Variants in AP1B1 observed in about 807,000 individuals in gnomAD.
AP1B1 encodes the protein AP-1 complex subunit beta-1.
AP1B1 carries 36 observed loss-of-function variants against 104.3 expected under a neutral mutation model. The ratio of observed to expected loss-of-function variants is 0.35; its 90% confidence interval spans 0.26 to 0.46. The LOEUF is 0.46. AP1B1 is among the 20% of genes least tolerant of loss of function. The pLI, the probability that AP1B1 is intolerant of heterozygous loss-of-function variation, is 1.00. For synonymous variants in AP1B1, 504 were observed against 517.5 expected (o/e 0.97, Z 0.35); for missense variants, 901 against 1,247.9 (o/e 0.72, Z 4.19).
At chr22:29,337,739 C>A (rs905094099) in intron 16 of AP1B1, among the ~76,000 whole-genome samples, 6 of 152,216 alleles carry the variant, frequency 3.9e-5, no homozygotes, top group African/African-American at 1.4e-4. Context: ...AACTCTCCTT[C>A]CCTCAGCCCC....
At chr22:29,340,515 C>T (rs979059001) in intron 14 of AP1B1, 141 bp downstream of exon 14, 2 of 932,432 alleles carry the variant, frequency 2.1e-6, no homozygotes, top group Non-Finnish European at 3.1e-6. Context: ...GGGAGCTACA[C>T]AATCACCTCC....
chr22:29,370,991 T>C (rs1371375365), intron 1 of AP1B1, among the ~76,000 whole-genome samples: 1 of 152,178 alleles, frequency 6.6e-6, no homozygotes, highest in Non-Finnish European at 1.5e-5. Context: ...TTGTTTCATA[T>C]GCAGGAAATT....
intron 11 of AP1B1, 46 bp from the exon 12 acceptor site, chr22:29,342,429 G>A: frequency 6.7e-7 from 1 of 1,491,948 alleles, no homozygotes; most frequent in Non-Finnish European, 9.3e-7. Context: ...GCCTCACATG[G>A]GGATAGAGGG....
rs748761341 is a variant in AP1B1 at position 29,334,339 on chromosome 22, G to T, written c.2235C>A (p.Ile745=). The T allele has an allele frequency of 6.2e-7, 1 of 1,611,666 alleles. No individual in the cohort carries two copies. The highest frequency in any genetic ancestry group is 1.1e-5 in the South Asian group (1 of 90,780). ...TGTTGGTCAGCTGCAGGTCCATGGA[G>T]ATGGAGCCCACCTGGCGGGTGAAGG... The part of the protein sequence containing the change: ...SGTFTRQVGS[I]SMDLQLTNKA... The change falls in exon 17 of 23, where the codon ATC becomes ATA. Residue 745 remains isoleucine (I), a synonymous_variant. Coordinates refer to ENST00000357586, the MANE Select transcript of AP1B1 (RefSeq NM_001127.4).
At chr22:29,359,054 G>C in intron 4 of AP1B1, 83 bp from the exon 5 acceptor site, 1 of 1,356,694 alleles carries the variant, frequency 7.4e-7, no homozygotes, top group Non-Finnish European at 9.9e-7. Context: ...GCAGCTCTGA[G>C]CCCTGCTAGG....
intron 22 of AP1B1, 77 bp downstream of exon 22, chr22:29,329,635 A>G: frequency 6.2e-7 from 1 of 1,603,934 alleles, no homozygotes; most frequent in Middle Eastern, 1.7e-4. Flanking sequence ...CAGACAGGAG[A>G]CATGGGGTGC....
intron 3 of AP1B1, among the ~76,000 whole-genome samples, chr22:29,362,101 T>C (rs1292591715): frequency 2.6e-5 from 4 of 151,444 alleles, no homozygotes; most frequent in Non-Finnish European, 5.9e-5. Context: ...CTCGAATGGG[T>C]TTTTAAAGAT....
chr22:29,357,069 G>GT (rs751097794), intron 5 of AP1B1, among the ~76,000 whole-genome samples: 312 of 124,916 alleles, frequency 2.5e-3, no homozygotes, highest in African/African-American at 5.3e-3. Flanking sequence ...TTTGTTTTTT[G>GT]TTTTTTTTTT....
chr22:29,366,817 C>T (rs919070067), intron 2 of AP1B1, among the ~76,000 whole-genome samples: 29 of 145,284 alleles, frequency 2.0e-4, no homozygotes, highest in African/African-American at 7.1e-4. Context: ...AAGAAAAACA[C>T]GTGCCCTTGG....
chr22:29,385,885 A>G (rs2062514458), intron 1 of AP1B1, among the ~76,000 whole-genome samples: 1 of 152,208 alleles, frequency 6.6e-6, no homozygotes, highest in Non-Finnish European at 1.5e-5. Context: ...AAGACATGCA[A>G]GAGTTTCAGA....
chr22:29,351,652 T>C lies in AP1B1; in HGVS notation c.1059+53A>G. ...TGGGCCAGAGCCTACAGTCTGGTGG[T>C]GGTGGAATGGTCCCACACTGAGCCC... On this transcript the variant is annotated intron_variant, in intron 8 of 22. Transcript: ENST00000357586. 4.4e-6 allele frequency: 7 copies of C among 1,601,034 alleles called. No individual in the cohort carries two copies. In the South Asian group the frequency reaches 7.8e-5, roughly 18 times the overall value.
At position 29,328,885 on chromosome 22, in the gene AP1B1, T is replaced by C. The variant is rs2061515090; in HGVS notation, c.2786A>G (p.Lys929Arg). 6.2e-7 allele frequency: 1 copy of C among 1,608,946 alleles called. No individual in the cohort carries two copies. Among genetic ancestry groups the C allele is most frequent in the Admixed American group, 1.7e-5 (1 of 59,458 alleles). ...PSCTDLELSL[K>R]CRAPEVSQHV... ...CTGGGACACCTCTGGTGCTCGACAC[T>C]TCAGGGACAGCTGCAGGGGAGAGAG... Residue 929 changes from lysine to arginine, a missense_variant, in exon 23 of 23, where the codon AAG becomes AGG. Around this residue, in one of 3 missense-constraint regions of AP1B1, gnomAD observed 424 missense variants for 494.0 expected, o/e 0.86. Transcript: ENST00000357586. The surrounding 1 kb of genome is among the most constrained non-coding windows in gnomAD (Gnocchi z 4.1).
intron 3 of AP1B1, among the ~76,000 whole-genome samples, chr22:29,361,745 A>G (rs412368): frequency 2.0e-5 from 3 of 151,828 alleles, no homozygotes; most frequent in Non-Finnish European, 4.4e-5. Context: ...TTTGAGTTTG[A>G]GGTAGTGGGC....
chr22:29,337,083 C>T (rs908608910), intron 16 of AP1B1, among the ~76,000 whole-genome samples: 6 of 152,178 alleles, frequency 3.9e-5, no homozygotes, highest in Non-Finnish European at 7.3e-5. Context: ...TCTACGTTCC[C>T]GTGGCCCTGC....
At chr22:29,386,947 G>T (rs1034662196) in intron 1 of AP1B1, among the ~76,000 whole-genome samples, 6 of 152,214 alleles carry the variant, frequency 3.9e-5, no homozygotes, top group African/African-American at 1.4e-4. Flanking sequence ...ATATTTCTCA[G>T]AAAGGCAAAG....
In AP1B1 at chr22:29,373,268, T is replaced by C. The variant is rs1463724281; in HGVS notation, c.-27-5998A>G. Among the ~76,000 whole-genome samples, 3 of 151,980 alleles carry C rather than the reference T, an allele frequency of 2.0e-5. No individual in the cohort carries two copies. The East Asian group carries it at 5.8e-4, about 29-fold the overall frequency. On this transcript the variant is annotated intron_variant, in intron 1 of 22. Coordinates refer to ENST00000357586, the MANE Select transcript of AP1B1 (RefSeq NM_001127.4). ...GCCTGGGTGACAGAGTGAGACCGTGTCTCAAAAAAAGAAAAAAAGAGTGGG... is the reference window on the plus strand; with the variant it reads ...GCCTGGGTGACAGAGTGAGACCGTGCCTCAAAAAAAGAAAAAAAGAGTGGG...
intron 1 of AP1B1, among the ~76,000 whole-genome samples, chr22:29,375,457 G>A (rs2062324036): frequency 6.6e-6 from 1 of 150,502 alleles, no homozygotes; most frequent in South Asian, 2.1e-4. Flanking sequence ...TGACTGCCAC[G>A]ATGCCTGGCA....
At chr22:29,380,602 T>C (rs1041187355) in intron 1 of AP1B1, among the ~76,000 whole-genome samples, 1 of 152,166 alleles carries the variant, frequency 6.6e-6, no homozygotes, top group Non-Finnish European at 1.5e-5. Context: ...GCTAAAAACC[T>C]GAGTCACTCT....
At chr22:29,329,081 T>C (rs1391062481) in intron 22 of AP1B1, 186 bp from the exon 23 acceptor site, 1 of 1,409,824 alleles carries the variant, frequency 7.1e-7, no homozygotes, top group East Asian at 2.6e-5. Context: ...CAGCCGGGTG[T>C]GGACCAAATA....
Sources: gnomAD v4.1 joint callset for allele counts (sites outside exome capture counted in the v4.1 genomes callset) on GRCh38, gnomAD v4.1.1 for gene constraint, gnomAD v4.1.1 regional missense constraint, Gnocchi (gnomAD v3.1) non-coding constraint, MANE v1.5 for transcripts, NCBI Gene and HGNC (gene_info 2026-07-23, HGNC 2026-07-21) for gene names.